The following CDH13 variants were observed in gnomAD, a reference collection of about 807,000 sequenced individuals.
CDH13 encodes the protein cadherin 13.
CDH13 carries 24 observed loss-of-function variants against 63.8 expected under a neutral mutation model. The observed-to-expected ratio is 0.38, with a 90% CI of 0.27 to 0.53. The LOEUF is 0.53. Among genes scored for constraint, CDH13 ranks in the 20% least tolerant of loss-of-function variants. The pLI is 0.85. For synonymous variants in CDH13, 503 were observed against 355.3 expected (o/e 1.42, Z -4.67); for missense variants, 1,049 against 903.1 (o/e 1.16, Z -2.07).
intron 4 of CDH13, among the ~76,000 whole-genome samples, chr16:83,183,196 C>A (rs1013568731): frequency 6.6e-6 from 1 of 152,100 alleles, no homozygotes; most frequent in Admixed American, 6.5e-5. Context: ...AATTTTTAGT[C>A]GTTTGAGTGG....
chr16:83,227,704 C>G (rs17676758), intron 5 of CDH13, among the ~76,000 whole-genome samples: 13,814 of 152,146 alleles, frequency 0.091, 877 homozygotes, highest in Non-Finnish European at 0.12. Flanking sequence ...GCTGAGTCTT[C>G]TCTTCCAGTC....
At chr16:83,208,625 G>T (rs2039248465) in intron 4 of CDH13, among the ~76,000 whole-genome samples, 1 of 152,152 alleles carries the variant, frequency 6.6e-6, no homozygotes, top group Non-Finnish European at 1.5e-5. Flanking sequence ...ATTATAAGGT[G>T]AAGGAAAAAG....
chr16:83,657,937 C>G (rs1395248129), intron 8 of CDH13, among the ~76,000 whole-genome samples: 1 of 147,608 alleles, frequency 6.8e-6, no homozygotes, highest in Non-Finnish European at 1.5e-5. Context: ...GTCCCCACCA[C>G]CAGGTCCCAT....
At chr16:82,773,346 A>G (rs1008737976) in intron 1 of CDH13, 1 of 152,270 alleles carries the variant, frequency 6.6e-6, no homozygotes, top group African/African-American at 2.4e-5. Flanking sequence ...TGTAGTAGCC[A>G]GCAGCAAGGA....
At chr16:82,787,841 A>AGTGTGTGTGTGTGTGTGTGTGTGTTT (rs10528183) in intron 1 of CDH13, among the ~76,000 whole-genome samples, 2 of 146,654 alleles carry the variant, frequency 1.4e-5, no homozygotes, top group Non-Finnish European at 1.5e-5. Context: ...GAAGGGAGGA[A>AGTGTGTGTGTGTGTGTGTGTGTGTTT]GTGTGTGTGT....
chr16:83,523,850 C>T (rs1354866313), intron 7 of CDH13, among the ~76,000 whole-genome samples: 2 of 152,196 alleles, frequency 1.3e-5, no homozygotes, highest in Non-Finnish European at 2.9e-5. Context: ...TATGCAGCTC[C>T]TAGAAGTATC....
intron 4 of CDH13, among the ~76,000 whole-genome samples, chr16:83,163,681 T>C (rs1369857779): frequency 6.6e-6 from 1 of 152,096 alleles, no homozygotes; most frequent in East Asian, 1.9e-4. Context: ...ATGGATGTGT[T>C]TGATATGGTG....
intron 2 of CDH13, among the ~76,000 whole-genome samples, chr16:82,967,743 G>T (rs8046196): frequency 0.54 from 82,045 of 152,044 alleles, 22,514 homozygotes; most frequent in African/African-American, 0.62. Flanking sequence ...GTCCTTCACA[G>T]TGCTTTGTAT....
chr16:83,341,010 C>T (rs2090709750), intron 5 of CDH13, among the ~76,000 whole-genome samples: 1 of 152,114 alleles, frequency 6.6e-6, no homozygotes, highest in Non-Finnish European at 1.5e-5. Context: ...TTCCTTTGAG[C>T]AAGTATTTCA....
chr16:83,157,268 C>A (rs572283501), intron 4 of CDH13, among the ~76,000 whole-genome samples: 2 of 147,954 alleles, frequency 1.4e-5, no homozygotes, highest in Admixed American at 6.7e-5. Flanking sequence ...GGTAACAGAC[C>A]CTTGCTATCA....
intron 4 of CDH13, among the ~76,000 whole-genome samples, chr16:83,216,443 T>TATATATACACACATAC (rs1472700247): frequency 3.2e-5 from 3 of 93,434 alleles, no homozygotes; most frequent in African/African-American, 1.2e-4. Flanking sequence ...TATATATATA[T>TATATATACACACATAC]ACACAACCCT....
At chr16:83,424,196 T>G (rs530762268) in intron 6 of CDH13, among the ~76,000 whole-genome samples, 2 of 151,852 alleles carry the variant, frequency 1.3e-5, no homozygotes, top group African/African-American at 4.8e-5. Context: ...CTGAACAGTC[T>G]AGAAGGGGGA....
intron 8 of CDH13, among the ~76,000 whole-genome samples, chr16:83,652,334 G>A (rs966336226): frequency 1.3e-5 from 2 of 152,172 alleles, no homozygotes; most frequent in African/African-American, 4.8e-5. Flanking sequence ...TTGTGCTGTG[G>A]TGTTAGCATC....
At chr16:82,938,289 G>A (rs1198191544) in intron 2 of CDH13, among the ~76,000 whole-genome samples, 1 of 152,182 alleles carries the variant, frequency 6.6e-6, no homozygotes, top group East Asian at 1.9e-4. Flanking sequence ...TCGTGATAAG[G>A]TGAATGCACT....
intron 6 of CDH13, among the ~76,000 whole-genome samples, chr16:83,447,053 TAAAAA>T (rs56692922): frequency 2.6e-4 from 17 of 64,300 alleles, no homozygotes; most frequent in Admixed American, 1.5e-3. Context: ...TCACCCGTCT[TAAAAA>T]AAAAAAAAAA....
chr16:82,828,729 AAAT>A (rs1214599548), intron 1 of CDH13, among the ~76,000 whole-genome samples: 4 of 152,168 alleles, frequency 2.6e-5, no homozygotes, highest in South Asian at 4.1e-4. Context: ...TTCAAAGAAA[AAAT>A]AATACAAATA....
intron 3 of CDH13, among the ~76,000 whole-genome samples, chr16:83,057,306 C>T (rs2031050245): frequency 6.6e-6 from 1 of 152,048 alleles, no homozygotes; most frequent in African/African-American, 2.4e-5. Flanking sequence ...CAGACTAATA[C>T]TTGTGGTTAC....
At chr16:82,878,838 A>T (rs1373199129) in intron 2 of CDH13, among the ~76,000 whole-genome samples, 8 of 152,070 alleles carry the variant, frequency 5.3e-5, no homozygotes, top group Middle Eastern at 3.2e-3. Context: ...AATATCTAAC[A>T]TTGAGGCATT....
intron 3 of CDH13, among the ~76,000 whole-genome samples, chr16:83,055,218 T>G (rs1480144755): frequency 6.6e-6 from 1 of 151,932 alleles, no homozygotes; most frequent in Non-Finnish European, 1.5e-5. Flanking sequence ...AATGCATATA[T>G]AAATCAGAGA....
Sources: gnomAD v4.1 joint callset for allele counts (sites outside exome capture counted in the v4.1 genomes callset) on GRCh38, gnomAD v4.1.1 for gene constraint, MANE v1.5 for transcripts, NCBI Gene and HGNC (gene_info 2026-07-23, HGNC 2026-07-21) for gene names.